KHDRBS2: variants seen among roughly 807,000 people sequenced by gnomAD.
KHDRBS2 encodes KH RNA binding domain containing, signal transduction associated 2, also known as KH domain-containing, RNA-binding, signal transduction-associated protein 2.
Under a neutral mutation model 44.3 loss-of-function variants are expected in KHDRBS2, and 26 were observed. The observed-to-expected ratio is 0.59, with a 90% CI of 0.43 to 0.81. The LOEUF (loss-of-function observed/expected upper bound fraction) is 0.81, where lower values mean the gene tolerates loss of function less well. KHDRBS2 is among the 40% of genes least tolerant of loss of function. KHDRBS2 has a pLI of 0.00. For missense variants in KHDRBS2, 476 were observed against 433.1 expected (o/e 1.10, Z -0.88); for synonymous variants, 194 against 151.1 (o/e 1.28, Z -2.08).
intron 6 of KHDRBS2, among the ~76,000 whole-genome samples, chr6:61,774,272 A>T (rs1403613810): frequency 6.6e-6 from 1 of 152,202 alleles, no homozygotes; most frequent in African/African-American, 2.4e-5. Flanking sequence ...CTTCCTACCC[A>T]TGAGCATGGA....
At chr6:62,059,469 T>C (rs1389463824) in intron 2 of KHDRBS2, among the ~76,000 whole-genome samples, 10 of 151,556 alleles carry the variant, frequency 6.6e-5, no homozygotes, top group African/African-American at 1.9e-4. Flanking sequence ...ACTGAAGCAA[T>C]ATCCTCAATA....
chr6:61,897,790 T>C (rs1027337123), intron 5 of KHDRBS2, among the ~76,000 whole-genome samples: 4 of 152,054 alleles, frequency 2.6e-5, no homozygotes, highest in Non-Finnish European at 5.9e-5. Context: ...GTCTTTCGCA[T>C]AAACAAATAT....
At chr6:62,276,089 C>T (rs1019832992) in intron 1 of KHDRBS2, among the ~76,000 whole-genome samples, 4 of 152,082 alleles carry the variant, frequency 2.6e-5, no homozygotes, top group South Asian at 4.1e-4. Flanking sequence ...ACGCTATGAA[C>T]CTGCTAAAAA....
the KHDRBS2 span, among the ~76,000 whole-genome samples, chr6:61,572,481 C>A: frequency 6.6e-6 from 1 of 151,958 alleles, no homozygotes; most frequent in East Asian, 1.9e-4. Context: ...GCCAGTATCA[C>A]CCAAATACAA....
chr6:61,681,851 G>A (rs1230040788), intron 8 of KHDRBS2, among the ~76,000 whole-genome samples: 1 of 151,830 alleles, frequency 6.6e-6, no homozygotes, highest in Non-Finnish European at 1.5e-5. Context: ...TGTGTCCCCA[G>A]AAAAGAAATG....
chr6:62,256,215 G>C (rs1487389821), intron 1 of KHDRBS2, among the ~76,000 whole-genome samples: 2 of 151,898 alleles, frequency 1.3e-5, no homozygotes, highest in African/African-American at 4.8e-5. Context: ...CCCAGCTACA[G>C]GGTCCACCTC....
intron 6 of KHDRBS2, among the ~76,000 whole-genome samples, chr6:61,860,424 A>G (rs894305344): frequency 1.3e-5 from 2 of 151,922 alleles, no homozygotes; most frequent in African/African-American, 4.8e-5. Context: ...CAATGTGTCC[A>G]TGTGCTCTCA....
At chr6:61,723,230 A>G (rs530404363) in intron 7 of KHDRBS2, among the ~76,000 whole-genome samples, 9 of 152,100 alleles carry the variant, frequency 5.9e-5, no homozygotes, top group Non-Finnish European at 1.0e-4. Flanking sequence ...ACCCCATTCA[A>G]TGGTTTGCAA....
chr6:61,656,718 G>A, the KHDRBS2 span, among the ~76,000 whole-genome samples: 1 of 151,888 alleles, frequency 6.6e-6, no homozygotes, highest in Admixed American at 6.6e-5. Flanking sequence ...AGATGCACAC[G>A]TTTGGATCCT....
At chr6:61,550,356 C>A in the KHDRBS2 span, among the ~76,000 whole-genome samples, 1 of 152,138 alleles carries the variant, frequency 6.6e-6, no homozygotes, top group African/African-American at 2.4e-5. Flanking sequence ...GTCTATGTTG[C>A]TGCAAAGGGC....
chr6:62,052,782 A>G (rs911579204), intron 2 of KHDRBS2, among the ~76,000 whole-genome samples: 2 of 151,992 alleles, frequency 1.3e-5, no homozygotes, highest in Non-Finnish European at 2.9e-5. Flanking sequence ...GCCAGGGTTG[A>G]TCTGACAGGA....
the KHDRBS2 span, among the ~76,000 whole-genome samples, chr6:61,593,442 T>A: frequency 6.7e-6 from 1 of 150,244 alleles, no homozygotes; most frequent in Non-Finnish European, 1.5e-5. Context: ...AAAGCCACAA[T>A]GAGCTGGAAT....
At chr6:61,702,628 C>T (rs1254472020) in intron 7 of KHDRBS2, among the ~76,000 whole-genome samples, 1 of 151,760 alleles carries the variant, frequency 6.6e-6, no homozygotes, top group Admixed American at 6.6e-5. Flanking sequence ...AATCTTAGAA[C>T]ATTTTAAAGG....
At chr6:61,659,929 TG>T in the KHDRBS2 span, among the ~76,000 whole-genome samples, 12 of 151,818 alleles carry the variant, frequency 7.9e-5, no homozygotes, top group African/African-American at 2.9e-4. Flanking sequence ...CTTGCCTCAC[TG>T]GGTTATTATG....
chr6:61,575,558 A>G, the KHDRBS2 span, among the ~76,000 whole-genome samples: 1 of 152,202 alleles, frequency 6.6e-6, no homozygotes, highest in Non-Finnish European at 1.5e-5. Context: ...AAATTCCTTA[A>G]AGAACTAAAA....
rs552101644 is a variant in KHDRBS2, at chr6:62,037,165, G to T, written c.336+10713C>A. 4.3e-4 allele frequency among the ~76,000 whole-genome samples: 65 copies of T among 151,982 alleles called. No homozygotes were observed. In the South Asian group the frequency reaches 0.013, roughly 30 times the overall value. On this transcript the variant is annotated intron_variant, in intron 3 of 8. Coordinates refer to ENST00000281156, the MANE Select transcript of KHDRBS2 (RefSeq NM_152688.4). ...TTAGATTATTAGTATTAAATAAAAT[G>T]TGGATAAGACTTTGAAACCTAAAAT... is the stretch of plus-strand genomic sequence containing the variant.
intron 1 of KHDRBS2, among the ~76,000 whole-genome samples, chr6:62,220,205 G>A (rs1434485859): frequency 6.6e-6 from 1 of 151,408 alleles, no homozygotes; most frequent in Non-Finnish European, 1.5e-5. Context: ...AAAAATGAAG[G>A]TGAACTAAAG....
chr6:61,896,379 G>T (rs1431092427), intron 5 of KHDRBS2, among the ~76,000 whole-genome samples: 1 of 152,144 alleles, frequency 6.6e-6, no homozygotes, highest in African/African-American at 2.4e-5. Flanking sequence ...CTAGGCTTAA[G>T]ATAGATATTT....
chr6:61,945,164 T>G (rs1813107055), intron 4 of KHDRBS2, among the ~76,000 whole-genome samples: 1 of 106,142 alleles, frequency 9.4e-6, no homozygotes, highest in Non-Finnish European at 1.9e-5. Context: ...CACAGACTTG[T>G]CTTGATAAAG....
Sources: gnomAD v4.1 joint callset for allele counts (sites outside exome capture counted in the v4.1 genomes callset) on GRCh38, gnomAD v4.1.1 for gene constraint, MANE v1.5 for transcripts, NCBI Gene and HGNC (gene_info 2026-07-23, HGNC 2026-07-21) for gene names.